Variants in GALNT2 observed in about 807,000 individuals in gnomAD.
GALNT2 encodes the protein polypeptide N-acetylgalactosaminyltransferase 2.
A neutral mutation model predicts 81.4 loss-of-function variants in GALNT2; 31 were observed. The ratio of observed to expected loss-of-function variants is 0.38; its 90% CI spans 0.29 to 0.51. The LOEUF is 0.51. Among genes scored for constraint, GALNT2 ranks in the 20% least tolerant of loss-of-function variants. GALNT2 has a pLI of 0.87. For missense variants in GALNT2, 629 were observed against 765.7 expected, an observed-to-expected ratio of 0.82 and a Z score of 2.11; for synonymous variants, 303 against 287.4, an observed-to-expected ratio of 1.05 and a Z score of -0.55.
At chr1:230,103,933 C>T (rs1301605303) in intron 1 of GALNT2, among the ~76,000 whole-genome samples, 1 of 152,202 alleles carries the variant, frequency 6.6e-6, no homozygotes, top group Non-Finnish European at 1.5e-5. Context: ...CAGCATCTCC[C>T]AGAGCGACTG....
At chr1:230,159,764 C>T (rs1217706141) in intron 1 of GALNT2, among the ~76,000 whole-genome samples, 1 of 152,254 alleles carries the variant, frequency 6.6e-6, no homozygotes, top group Non-Finnish European at 1.5e-5. Flanking sequence ...CCTTGTCTAC[C>T]TCCCCCCACC....
intron 12 of GALNT2, 77 bp downstream of exon 12, chr1:230,262,742 A>T: frequency 6.9e-7 from 1 of 1,442,696 alleles, no homozygotes; most frequent in Non-Finnish European, 9.7e-7. Flanking sequence ...GGCTGCCCCC[A>T]GCGTTGAATT....
intron 3 of GALNT2, among the ~76,000 whole-genome samples, chr1:230,219,278 A>G (rs945004148): frequency 6.6e-6 from 1 of 152,132 alleles, no homozygotes; most frequent in African/African-American, 2.4e-5. Flanking sequence ...CTTGTTCTTG[A>G]TATTCACATA....
rs990401752 is a variant in GALNT2, at chr1:230,275,902, A to G, written c.1560+1338A>G. ...AGATATATACATATATAAACACCACATATATACATAGACACCACAGATACA... is the reference window on the plus strand; with the variant it reads ...AGATATATACATATATAAACACCACGTATATACATAGACACCACAGATACA... On this transcript the variant is annotated intron_variant, in intron 15 of 15. Coordinates refer to ENST00000366672, the MANE Select transcript of GALNT2 (RefSeq NM_004481.5). The surrounding 1 kb of genome is among the most constrained non-coding windows in gnomAD (Gnocchi z 5.5). Among the ~76,000 whole-genome samples the G allele has an allele frequency of 2.0e-5, 3 of 150,806 alleles. No individual in the cohort carries two copies. The highest frequency in any genetic ancestry group is 4.4e-5 in the Non-Finnish European group (3 of 67,502).
chr1:230,170,835 G>A (rs1239056425), intron 1 of GALNT2, among the ~76,000 whole-genome samples: 3 of 152,096 alleles, frequency 2.0e-5, no homozygotes, highest in Non-Finnish European at 2.9e-5. Flanking sequence ...CCTTTACCAT[G>A]GGGAGAGCAC....
chr1:230,148,547 G>T (rs190766940), intron 1 of GALNT2, among the ~76,000 whole-genome samples: 1 of 152,228 alleles, frequency 6.6e-6, no homozygotes, highest in Non-Finnish European at 1.5e-5. Context: ...ACTCCAGGGT[G>T]TGGGTCAGCC....
chr1:230,222,489 T>C (rs183098436), intron 3 of GALNT2, among the ~76,000 whole-genome samples: 2 of 152,314 alleles, frequency 1.3e-5, no homozygotes, highest in East Asian at 3.9e-4. Context: ...TGACCGCTAT[T>C]ATTATTTCTC....
rs66734993 is a variant in GALNT2, at chr1:230,166,602, T to G, written c.127-11616T>G. 0.026 allele frequency among the ~76,000 whole-genome samples: 3,894 copies of G among 152,320 alleles called. 467 individuals carry two copies. In the East Asian group the frequency reaches 0.4, roughly 16 times the overall value. On this transcript the variant is annotated intron_variant, in intron 1 of 15. Coordinates refer to ENST00000366672, the MANE Select transcript of GALNT2 (RefSeq NM_004481.5). ...ATTCAGTGAGCACGCGGACATGTCT[T>G]GTCTCTGCCTTCTTGCTGTGACCAG...
chr1:230,101,775 T>C (rs979214306), intron 1 of GALNT2, among the ~76,000 whole-genome samples: 2 of 152,240 alleles, frequency 1.3e-5, no homozygotes, highest in African/African-American at 4.8e-5. Context: ...CTCCTGAGAA[T>C]TGCCCTCTCT....
At chr1:230,114,096 G>A (rs904962253) in intron 1 of GALNT2, among the ~76,000 whole-genome samples, 8 of 152,192 alleles carry the variant, frequency 5.3e-5, no homozygotes, top group African/African-American at 1.4e-4. Flanking sequence ...CTTTCAGTTC[G>A]GAGCTGGCTT....
At chr1:230,126,171 C>T (rs1035466338) in intron 1 of GALNT2, among the ~76,000 whole-genome samples, 1 of 152,210 alleles carries the variant, frequency 6.6e-6, no homozygotes, top group Non-Finnish European at 1.5e-5. Context: ...GGGGCAACCC[C>T]AGCAGAGCTG....
intron 1 of GALNT2, among the ~76,000 whole-genome samples, chr1:230,095,353 T>C (rs1660221468): frequency 1.3e-5 from 2 of 151,982 alleles, no homozygotes; most frequent in Non-Finnish European, 2.9e-5. Flanking sequence ...CCATGAGGCG[T>C]TTTTATTATC....
intron 2 of GALNT2, among the ~76,000 whole-genome samples, chr1:230,187,941 A>T (rs563229797): frequency 1.5e-5 from 2 of 132,514 alleles, no homozygotes; most frequent in South Asian, 5.4e-4. Flanking sequence ...TGGGTACAAG[A>T]TGGAGGGTGG....
At chr1:230,136,787 C>CCATT (rs1418066126) in intron 1 of GALNT2, among the ~76,000 whole-genome samples, 1 of 152,196 alleles carries the variant, frequency 6.6e-6, no homozygotes, top group Non-Finnish European at 1.5e-5. Context: ...GCTGCTAGTG[C>CCATT]CATTGTACGG....
At chr1:230,086,751 G>A (rs775766961) in intron 1 of GALNT2, among the ~76,000 whole-genome samples, 5 of 152,176 alleles carry the variant, frequency 3.3e-5, no homozygotes, top group Non-Finnish European at 7.3e-5. Context: ...TGTGTTCGGG[G>A]CACAGCCCTT....
intron 1 of GALNT2, among the ~76,000 whole-genome samples, chr1:230,161,482 T>G (rs758388331): frequency 1.5e-4 from 23 of 152,210 alleles, no homozygotes; most frequent in Non-Finnish European, 2.8e-4. Flanking sequence ...CAAAGAAATA[T>G]GGCCACTTCC....
At chr1:230,253,196 C>G (rs1665604164) in intron 10 of GALNT2, among the ~76,000 whole-genome samples, 1 of 152,170 alleles carries the variant, frequency 6.6e-6, no homozygotes. Context: ...AAGTCGGAAA[C>G]TTTCACTGCT....
At chr1:230,204,421 G>C (rs1411753259) in intron 3 of GALNT2, among the ~76,000 whole-genome samples, 1 of 151,154 alleles carries the variant, frequency 6.6e-6, no homozygotes, top group Non-Finnish European at 1.5e-5. Context: ...CGCCCGCCTC[G>C]GCCTCCCAAA....
chr1:230,210,163 T>C (rs1255501127), intron 3 of GALNT2, among the ~76,000 whole-genome samples: 1 of 152,176 alleles, frequency 6.6e-6, no homozygotes, highest in Non-Finnish European at 1.5e-5. Context: ...TGCCTGGAAA[T>C]GCATCTGATA....
Sources: allele counts gnomAD v4.1 joint callset (sites outside exome capture counted in the v4.1 genomes callset), GRCh38; gene constraint gnomAD v4.1.1; non-coding constraint Gnocchi (gnomAD v3.1); transcripts MANE v1.5; gene names NCBI Gene and HGNC (gene_info 2026-07-23, HGNC 2026-07-21).